Variants in NTM observed in about 807,000 individuals in gnomAD.
The protein encoded by NTM is IgLON family member 2.
A neutral mutation model predicts 42.1 loss-of-function variants in NTM; 13 were observed. The ratio of observed to expected loss-of-function variants is 0.31; its 90% CI spans 0.20 to 0.49. The LOEUF is 0.49. Among genes scored for constraint, NTM ranks in the 20% least tolerant of loss-of-function variants. The pLI is 0.99. For missense variants in NTM, 373 were observed against 452.8 expected (o/e 0.82, Z 1.60); for synonymous variants, 187 against 179.2 (o/e 1.04, Z -0.35).
chr11:131,674,489 A>T (rs1429857392), intron 1 of NTM, among the ~76,000 whole-genome samples: 1 of 152,266 alleles, frequency 6.6e-6, no homozygotes, highest in East Asian at 1.9e-4. Flanking sequence ...TGCAGCTGGG[A>T]TGCTCTGGCC....
chr11:131,892,720 G>A (rs2137532849), intron 1 of NTM, among the ~76,000 whole-genome samples: 1 of 152,336 alleles, frequency 6.6e-6, no homozygotes, highest in East Asian at 1.9e-4. Context: ...AGGTGACACT[G>A]TGGACTGGGC....
chr11:131,906,536 C>A (rs2053880150), intron 1 of NTM, among the ~76,000 whole-genome samples: 1 of 151,998 alleles, frequency 6.6e-6, no homozygotes, highest in Admixed American at 6.6e-5. Flanking sequence ...TTATTATGAC[C>A]CAAAACTTAG....
intron 1 of NTM, among the ~76,000 whole-genome samples, chr11:131,387,491 G>A (rs149703379): frequency 0.02 from 3,113 of 152,286 alleles, 42 homozygotes; most frequent in Middle Eastern, 0.044. Context: ...TCCCATCTTA[G>A]TTATGAGTGA....
chr11:131,659,928 T>TAAG (rs1469048338), intron 1 of NTM, among the ~76,000 whole-genome samples: 1 of 152,194 alleles, frequency 6.6e-6, no homozygotes, highest in African/African-American at 2.4e-5. Context: ...TATTCAGGCA[T>TAAG]AAGAAGAAGA....
chr11:132,302,027 A>G (rs977274417), intron 4 of NTM, among the ~76,000 whole-genome samples: 1 of 151,992 alleles, frequency 6.6e-6, no homozygotes, highest in Non-Finnish European at 1.5e-5. Flanking sequence ...GAAATGTGGG[A>G]TTTTCTTTTC....
chr11:131,825,260 G>T (rs909764665), intron 1 of NTM, among the ~76,000 whole-genome samples: 1 of 152,076 alleles, frequency 6.6e-6, no homozygotes, highest in Non-Finnish European at 1.5e-5. Flanking sequence ...TTGGATGAGG[G>T]CCCCAGCCAA....
intron 1 of NTM, among the ~76,000 whole-genome samples, chr11:131,569,591 T>C (rs952368986): frequency 3.4e-5 from 5 of 148,586 alleles, no homozygotes; most frequent in East Asian, 1.9e-4. Context: ...TTTTTTTTTT[T>C]CTTTGATACA....
At chr11:131,857,913 G>A (rs973208276) in intron 1 of NTM, among the ~76,000 whole-genome samples, 1 of 151,948 alleles carries the variant, frequency 6.6e-6, no homozygotes, top group Non-Finnish European at 1.5e-5. Context: ...ATTGAGCTTC[G>A]TCTCCTTCAG....
rs2069543788 is a variant in NTM at position 132,002,550 on chromosome 11, GTCT to G, written c.167+90903_167+90905del. On this transcript the variant is annotated intron_variant, in intron 2 of 8. Transcript: ENST00000683400. The surrounding 1 kb of genome is among the most constrained non-coding windows in gnomAD (Gnocchi z 4.5). ...TAGAAGAATGAAATGATGTGTTGGT[GTCT>G]GTCCCCCAAATTGGAGGCTTCTGGC... 6.6e-6 allele frequency among the ~76,000 whole-genome samples: 1 copy of G among 152,168 alleles called. No homozygotes were observed. Among genetic ancestry groups the G allele is most frequent in the African/African-American group, 2.4e-5 (1 of 41,408 alleles).
intron 1 of NTM, among the ~76,000 whole-genome samples, chr11:131,632,321 C>A (rs1374855313): frequency 1.3e-5 from 2 of 152,110 alleles, no homozygotes; most frequent in African/African-American, 4.8e-5. Context: ...GTCCCTTGTG[C>A]CCGTCTTTTA....
intron 2 of NTM, among the ~76,000 whole-genome samples, chr11:131,914,129 TA>T (rs751539978): frequency 2.0e-5 from 3 of 152,210 alleles, no homozygotes; most frequent in Non-Finnish European, 4.4e-5. Flanking sequence ...GAGAGGCAAG[TA>T]GGAATTTCAG....
chr11:131,425,805 A>AT (rs57932089), intron 1 of NTM, among the ~76,000 whole-genome samples: 53 of 150,328 alleles, frequency 3.5e-4, no homozygotes, highest in South Asian at 1.1e-3. Context: ...CTGTCCTTTA[A>AT]TTTTTTTTTT....
chr11:131,414,616 G>A (rs1316889166), intron 1 of NTM, among the ~76,000 whole-genome samples: 1 of 152,138 alleles, frequency 6.6e-6, no homozygotes, highest in Non-Finnish European at 1.5e-5. Flanking sequence ...ATATACCATG[G>A]TCTCCCATGC....
chr11:132,323,346 C>T (rs2095611076), intron 7 of NTM, among the ~76,000 whole-genome samples: 1 of 152,026 alleles, frequency 6.6e-6, no homozygotes, highest in Non-Finnish European at 1.5e-5. Flanking sequence ...AAGGGGATAT[C>T]ACCACTGATC....
At chr11:131,490,515 G>T (rs1341685097) in intron 1 of NTM, among the ~76,000 whole-genome samples, 1 of 152,188 alleles carries the variant, frequency 6.6e-6, no homozygotes, top group Admixed American at 6.5e-5. Flanking sequence ...GACAGTTGGA[G>T]TCATTTCCAT....
chr11:131,752,663 G>A (rs1424581356), intron 1 of NTM, among the ~76,000 whole-genome samples: 2 of 152,230 alleles, frequency 1.3e-5, no homozygotes, highest in Non-Finnish European at 1.5e-5. Context: ...TGATAGACTG[G>A]ATTAAGAAAA....
chr11:131,411,572 TGTGTGTGTGTG>T (rs1946425986), intron 1 of NTM, among the ~76,000 whole-genome samples: 3 of 148,762 alleles, frequency 2.0e-5, no homozygotes, highest in African/African-American at 7.7e-5. Context: ...TGTGTGTGTG[TGTGTGTGTGTG>T]TGTGTACTTG....
intron 1 of NTM, among the ~76,000 whole-genome samples, chr11:131,629,268 T>G (rs1459784368): frequency 6.6e-6 from 1 of 152,172 alleles, no homozygotes; most frequent in African/African-American, 2.4e-5. Context: ...GTAGAACAAG[T>G]ACAGAATGTC....
intron 3 of NTM, among the ~76,000 whole-genome samples, chr11:132,167,002 C>G (rs2075376986): frequency 2.0e-5 from 3 of 152,172 alleles, no homozygotes; most frequent in Admixed American, 2.0e-4. Flanking sequence ...TGCAGTTAGA[C>G]CTGACTTTCC....
Sources: gnomAD v4.1 joint callset for allele counts (sites outside exome capture counted in the v4.1 genomes callset) on GRCh38, gnomAD v4.1.1 for gene constraint, Gnocchi (gnomAD v3.1) non-coding constraint, MANE v1.5 for transcripts, NCBI Gene and HGNC (gene_info 2026-07-23, HGNC 2026-07-21) for gene names.